PID1: variants seen among roughly 807,000 people sequenced by gnomAD.
PID1 encodes the protein phosphotyrosine interaction domain containing 1.
In PID1, 10 loss-of-function variants were observed where a neutral mutation model predicts 19.1. The observed-to-expected ratio is 0.52, with a 90% CI of 0.32 to 0.89. The LOEUF (loss-of-function observed/expected upper bound fraction) is 0.89, where lower values mean the gene tolerates loss of function less well. Among genes scored for constraint, PID1 ranks in the 40% least tolerant of loss-of-function variants. The pLI, the probability that PID1 is intolerant of heterozygous loss-of-function variation, is 0.03. For missense variants in PID1, 248 were observed against 285.3 expected (o/e 0.87, Z 0.94); for synonymous variants, 130 against 116.0 (o/e 1.12, Z -0.78).
intron 2 of PID1, among the ~76,000 whole-genome samples, chr2:229,103,571 A>ATTTTTTTTTTTTTTTTTTTTTTTTTTT (rs60510809): frequency 1.3e-5 from 1 of 76,236 alleles, no homozygotes; most frequent in Non-Finnish European, 2.5e-5. Flanking sequence ...ATATGCTGGA[A>ATTTTTTTTTTTTTTTTTTTTTTTTTTT]TTTTTTTTTT....
chr2:229,234,389 C>T (rs1176608042), intron 1 of PID1, among the ~76,000 whole-genome samples: 1 of 152,084 alleles, frequency 6.6e-6, no homozygotes, highest in East Asian at 1.9e-4. Flanking sequence ...ATAGTGATGC[C>T]ATGTGAGACA....
chr2:229,084,502 G>A (rs73101208), intron 2 of PID1, among the ~76,000 whole-genome samples: 10,120 of 152,246 alleles, frequency 0.066, 473 homozygotes, highest in African/African-American at 0.12. Flanking sequence ...GACTTAGCTG[G>A]TGGGTTTACA....
intron 1 of PID1, among the ~76,000 whole-genome samples, chr2:229,180,178 GTGAT>G (rs1173354348): frequency 3.3e-5 from 5 of 152,164 alleles, no homozygotes; most frequent in African/African-American, 1.2e-4. Context: ...AGTACCAGAA[GTGAT>G]TGATGTTTAT....
chr2:229,166,970 GGGAAGGGGAAGGGGAAGGGGAAGT>G (rs1407554730), intron 1 of PID1, among the ~76,000 whole-genome samples: 2 of 76,924 alleles, frequency 2.6e-5, no homozygotes, highest in African/African-American at 7.0e-5. Flanking sequence ...AGAAAGGAAG[GGGAAGGGGAAGGGGAAGGGGAAGT>G]GGAAGGGGAA....
intron 2 of PID1, among the ~76,000 whole-genome samples, chr2:229,153,708 A>G (rs558179924): frequency 1.3e-5 from 2 of 152,318 alleles, no homozygotes; most frequent in East Asian, 1.9e-4. Context: ...GATGGTTTTT[A>G]TTCTAGCAAA....
At chr2:229,051,864 T>C (rs1694003414) in intron 2 of PID1, among the ~76,000 whole-genome samples, 1 of 152,182 alleles carries the variant, frequency 6.6e-6, no homozygotes, top group African/African-American at 2.4e-5. Flanking sequence ...AGGTAACACA[T>C]TCTTCCTATA....
intron 2 of PID1, among the ~76,000 whole-genome samples, chr2:229,102,864 T>C (rs1695102258): frequency 6.6e-6 from 1 of 152,120 alleles, no homozygotes; most frequent in African/African-American, 2.4e-5. Flanking sequence ...CAGGACAGCC[T>C]CCATGAGGGT....
At chr2:229,126,215 T>C (rs1236463290) in intron 2 of PID1, among the ~76,000 whole-genome samples, 1 of 152,092 alleles carries the variant, frequency 6.6e-6, no homozygotes, top group Non-Finnish European at 1.5e-5. Context: ...AAATTTCCTA[T>C]GAAATAATGA....
intron 2 of PID1, among the ~76,000 whole-genome samples, chr2:229,040,365 G>A (rs1693747311): frequency 1.3e-5 from 2 of 152,026 alleles, no homozygotes; most frequent in African/African-American, 4.8e-5. Flanking sequence ...AAATTGTTTT[G>A]TGTAAGCAAG....
chr2:229,264,467 C>A (rs1387169782), intron 1 of PID1, among the ~76,000 whole-genome samples: 3 of 152,146 alleles, frequency 2.0e-5, no homozygotes, highest in African/African-American at 7.2e-5. Context: ...TCAAGGGCCA[C>A]AAGGTATGTG....
chr2:229,026,680 A>G (rs1456287294), intron 2 of PID1, among the ~76,000 whole-genome samples: 1 of 152,234 alleles, frequency 6.6e-6, no homozygotes, highest in Non-Finnish European at 1.5e-5. Flanking sequence ...CCTTCCCAAG[A>G]TAATTTTTAA....
In PID1 at chr2:229,223,686, T is replaced by C. The variant is rs16825880; in HGVS notation, c.30+47328A>G. On this transcript the variant is annotated intron_variant, in intron 1 of 2. Coordinates refer to ENST00000392055, the MANE Select transcript of PID1 (RefSeq NM_001100818.2). ...TACAACACTGTCTGCCATGGGGCTC[T>C]AGACAGGATTCTGCACCTTGGTTTT... is the stretch of plus-strand genomic sequence containing the variant. Among the ~76,000 whole-genome samples the C allele has an allele frequency of 8.1e-3, 1,241 of 152,354 alleles. 63 individuals carry two copies. Among genetic ancestry groups the C allele is most frequent in the Admixed American group, 0.059 (906 of 15,302 alleles).
intron 1 of PID1, among the ~76,000 whole-genome samples, chr2:229,261,875 T>G (rs1690468914): frequency 6.8e-6 from 1 of 147,566 alleles, no homozygotes; most frequent in African/African-American, 2.5e-5. Context: ...CCCAAGAAAA[T>G]AAGTATTATG....
intron 2 of PID1, among the ~76,000 whole-genome samples, chr2:229,149,790 G>A (rs1295448429): frequency 6.6e-6 from 1 of 152,296 alleles, no homozygotes; most frequent in African/African-American, 2.4e-5. Context: ...GGTACATGGG[G>A]CCAAGCACAT....
intron 2 of PID1, among the ~76,000 whole-genome samples, chr2:229,080,761 A>G (rs999131011): frequency 6.6e-6 from 1 of 152,240 alleles, no homozygotes; most frequent in African/African-American, 2.4e-5. Context: ...ATCAAAATGC[A>G]GTCACATATG....
chr2:229,192,904 A>G (rs1691292836), intron 1 of PID1, among the ~76,000 whole-genome samples: 1 of 152,216 alleles, frequency 6.6e-6, no homozygotes, highest in Non-Finnish European at 1.5e-5. Context: ...ATTAGGAACA[A>G]TACCGGAACA....
intron 1 of PID1, among the ~76,000 whole-genome samples, chr2:229,258,075 A>G (rs543056282): frequency 6.6e-6 from 1 of 152,340 alleles, no homozygotes; most frequent in African/African-American, 2.4e-5. Flanking sequence ...TCTACTGGCC[A>G]TGGAGGCTGG....
At chr2:229,227,828 A>T in intron 1 of PID1, 1 of 325,276 alleles carries the variant, frequency 3.1e-6, no homozygotes, top group Non-Finnish European at 6.2e-6. Context: ...TTATCTCCCA[A>T]CCAACACAGG....
At chr2:229,114,342 T>C (rs768007437) in intron 2 of PID1, among the ~76,000 whole-genome samples, 21 of 152,158 alleles carry the variant, frequency 1.4e-4, no homozygotes, top group Admixed American at 6.6e-4. Context: ...GTCTTTTTAC[T>C]GGTAATTTTC....
Sources: gnomAD v4.1 joint callset for allele counts (sites outside exome capture counted in the v4.1 genomes callset) on GRCh38, gnomAD v4.1.1 for gene constraint, MANE v1.5 for transcripts, NCBI Gene and HGNC (gene_info 2026-07-23, HGNC 2026-07-21) for gene names.